The following RIMBP2 variants were observed in gnomAD, a reference collection of about 807,000 sequenced individuals.
The protein encoded by RIMBP2 is RIMS binding protein 2.
A neutral mutation model predicts 118.6 loss-of-function variants in RIMBP2; 48 were observed. The observed-to-expected ratio is 0.40, with a 90% CI of 0.32 to 0.51. The LOEUF (loss-of-function observed/expected upper bound fraction) is 0.51. Ranked by LOEUF, RIMBP2 falls within the 20% of genes least tolerant of loss-of-function variation. RIMBP2 has a pLI of 0.41. For synonymous variants in RIMBP2, 762 were observed against 742.9 expected (o/e 1.03, Z -0.42); for missense variants, 1,551 against 1,768.3 (o/e 0.88, Z 2.20).
chr12:130,704,178 G>A (rs951055775), intron 1 of RIMBP2, among the ~76,000 whole-genome samples: 6 of 152,152 alleles, frequency 3.9e-5, no homozygotes, highest in East Asian at 1.9e-4. Flanking sequence ...GAGGAGGGAC[G>A]AGGACCGAGG....
At chr12:130,611,153 G>T (rs2060518562) in intron 2 of RIMBP2, among the ~76,000 whole-genome samples, 1 of 152,208 alleles carries the variant, frequency 6.6e-6, no homozygotes. Context: ...TCAGGCCACT[G>T]ACATGGGCTC....
chr12:130,676,291 T>C (rs1402044349), intron 1 of RIMBP2, among the ~76,000 whole-genome samples: 1 of 113,616 alleles, frequency 8.8e-6, no homozygotes, highest in African/African-American at 3.3e-5. Flanking sequence ...GGAAAAAAAA[T>C]CCAAATGTCC....
intron 11 of RIMBP2, 100 bp downstream of exon 11, chr12:130,441,748 G>C: frequency 9.7e-7 from 1 of 1,034,778 alleles, no homozygotes; most frequent in Non-Finnish European, 1.4e-6. Context: ...TGTCAGGATG[G>C]GGATTCCTGC....
At position 130,437,236 on chromosome 12, in the gene RIMBP2, A is replaced by T; in HGVS notation, c.1712T>A (p.Leu571Gln). ...ADSTAVELVR[L>Q]RSLEAKGVTV... The stretch of plus-strand genomic sequence containing the variant: ...CACGCCCTTGGCCTCCAGGCTCCGC[A>T]GCCGCACAAGCTCCACGGCCGTGCT... The change falls in exon 13 of 23, where the codon CTG becomes CAG. Residue 571 changes from leucine to glutamine, a missense_variant. Physicochemically the swap from Leu to Gln is moderately radical, Grantham distance 113. This residue lies in a region of RIMBP2 where 1,038 missense variants were observed against 1,125.1 expected (regional missense o/e 0.92). Coordinates refer to ENST00000690449, the MANE Select transcript of RIMBP2 (RefSeq NM_001393629.1). 6.3e-7 allele frequency: 1 copy of T among 1,586,116 alleles called. No individual in the cohort carries two copies. The highest frequency in any genetic ancestry group is 2.3e-5 in the East Asian group (1 of 43,970).
At chr12:130,494,198 C>T (rs1310606213) in intron 4 of RIMBP2, among the ~76,000 whole-genome samples, 1 of 152,154 alleles carries the variant, frequency 6.6e-6, no homozygotes, top group Non-Finnish European at 1.5e-5. Flanking sequence ...TTCAGAAGGA[C>T]AGACCCCGCC....
At position 130,397,266 on chromosome 12, in the gene RIMBP2, A is replaced by G. The variant is rs1440513606; in HGVS notation, c.*95T>C. On this transcript the variant is annotated 3_prime_UTR_variant, in exon 23 of 23. Coordinates refer to ENST00000690449, the MANE Select transcript of RIMBP2 (RefSeq NM_001393629.1). Reference sequence around the variant, plus strand: ...TTCTCTACTGGTGTCAGGGGAGAAGATTGGGTTTTTTTAGGAAGTACTTGA... The same window carrying G: ...TTCTCTACTGGTGTCAGGGGAGAAGGTTGGGTTTTTTTAGGAAGTACTTGA... The G allele has an allele frequency of 7.6e-6, 3 of 396,340 alleles. No homozygotes were observed. 24.6% of individuals were successfully genotyped at this position (396,340 alleles called of 1,614,324 possible). A position where few individuals can be genotyped will look rare whatever the true frequency, so the allele number is the denominator to read the frequency against.
At chr12:130,408,227 A>G (rs1224618851) in intron 19 of RIMBP2, among the ~76,000 whole-genome samples, 1 of 152,146 alleles carries the variant, frequency 6.6e-6, no homozygotes, top group Non-Finnish European at 1.5e-5. Context: ...AAGGCCCCAT[A>G]GACACAGTTT....
At chr12:130,483,823 G>A (rs1330084784) in intron 4 of RIMBP2, among the ~76,000 whole-genome samples, 1 of 139,122 alleles carries the variant, frequency 7.2e-6, no homozygotes, top group East Asian at 2.2e-4. Context: ...ACGGTGCCCG[G>A]AGCCCCGACC....
chr12:130,455,243 G>A (rs1383493535), intron 7 of RIMBP2, among the ~76,000 whole-genome samples: 3 of 152,232 alleles, frequency 2.0e-5, no homozygotes, highest in Non-Finnish European at 2.9e-5. Flanking sequence ...CACTCTTCAG[G>A]TGTCACAGCT....
chr12:130,401,176 C>T (rs1265830579), intron 21 of RIMBP2, among the ~76,000 whole-genome samples: 4 of 152,016 alleles, frequency 2.6e-5, no homozygotes, highest in African/African-American at 9.7e-5. Context: ...AGTGCAGTAG[C>T]GTGATCTCGG....
intron 2 of RIMBP2, among the ~76,000 whole-genome samples, chr12:130,558,531 C>T (rs541889820): frequency 5.3e-5 from 8 of 152,222 alleles, no homozygotes; most frequent in South Asian, 2.1e-4. Context: ...CGTCAGCAGC[C>T]GTGCAGCTCA....
rs745362946 is a variant in RIMBP2 at position 130,424,844 on chromosome 12, A to G, written c.2427T>C (p.His809=). 7.4e-5 allele frequency: 91 copies of G among 1,232,392 alleles called. No homozygotes were observed. The highest frequency in any genetic ancestry group is 8.6e-5 in the Non-Finnish European group (85 of 988,314). 76.3% of individuals were successfully genotyped at this position (1,232,392 alleles called of 1,614,324 possible). A position where few individuals can be genotyped will look rare whatever the true frequency, so the allele number is the denominator to read the frequency against. Residue 809 remains histidine (H), a synonymous_variant, in exon 16 of 23, where the codon CAT becomes CAC. Transcript: ENST00000690449. The surrounding 1 kb of genome is among the most constrained non-coding windows in gnomAD (Gnocchi z 9.8). The part of the protein sequence containing the change: ...SHNALKDCTD[H]RTSEGTFWEQ... ...CCCAGAAAGTGCCTTCCGAGGTCCT[A>G]TGGTCAGTGCAGTCCTTACGGGGTG...
rs550640739 is a variant in RIMBP2 at position 130,672,485 on chromosome 12, A to G, written c.-352+43737T>C. 2.6e-5 allele frequency among the ~76,000 whole-genome samples: 4 copies of G among 152,256 alleles called. No homozygotes were observed. In the East Asian group the frequency reaches 7.7e-4, roughly 29 times the overall value. ...CACTCTCCCAAGTGCTTCCAAATCCACTTAGGACCTTGTGTCTCCCAGAAC... is the reference window on the plus strand; with the variant it reads ...CACTCTCCCAAGTGCTTCCAAATCCGCTTAGGACCTTGTGTCTCCCAGAAC... On this transcript the variant is annotated intron_variant, in intron 1 of 22. Transcript: ENST00000690449.
intron 21 of RIMBP2, among the ~76,000 whole-genome samples, chr12:130,402,167 C>T (rs181245520): frequency 3.2e-4 from 48 of 152,298 alleles, no homozygotes; most frequent in African/African-American, 1.0e-3. Flanking sequence ...TCCAAAGTGA[C>T]GACGGGACTT....
At chr12:130,534,180 AAAG>A (rs1450849244) in intron 2 of RIMBP2, among the ~76,000 whole-genome samples, 7,376 of 116,532 alleles carry the variant, frequency 0.063, 267 homozygotes, top group East Asian at 0.2. Context: ...AAAAAAAAAA[AAAG>A]AGAGAGAGAG....
chr12:130,578,569 C>T lies in RIMBP2; in HGVS notation c.-217+49753G>A. Among the ~76,000 whole-genome samples the T allele has an allele frequency of 6.6e-6, 1 of 152,254 alleles. No homozygotes were observed. Among genetic ancestry groups the T allele is most frequent in the East Asian group, 1.9e-4 (1 of 5,202 alleles). On this transcript the variant is annotated intron_variant, in intron 2 of 22. Transcript: ENST00000690449. The surrounding 1 kb of genome is among the most constrained non-coding windows in gnomAD (Gnocchi z 4.1). ...CTCGATCATAGCAAACTTGCTCCAG[C>T]CTTGGGGCCTGTGCACTGTGGGCCC...
intron 2 of RIMBP2, among the ~76,000 whole-genome samples, chr12:130,546,565 G>A (rs2055192099): frequency 6.6e-6 from 1 of 152,102 alleles, no homozygotes; most frequent in Non-Finnish European, 1.5e-5. Context: ...CGAAGTGCTG[G>A]GATTACAGGC....
chr12:130,485,538 T>G (rs550613118), intron 4 of RIMBP2, among the ~76,000 whole-genome samples: 37 of 152,350 alleles, frequency 2.4e-4, no homozygotes, highest in Non-Finnish European at 3.4e-4. Context: ...GGGTGGCCGA[T>G]TGTGCAGCTG....
At chr12:130,409,450 C>A (rs1008173684) in intron 19 of RIMBP2, among the ~76,000 whole-genome samples, 17 of 140,182 alleles carry the variant, frequency 1.2e-4, no homozygotes, top group African/African-American at 3.6e-4. Context: ...TCATGCGATT[C>A]TCCTGCTTCG....
Sources: allele counts gnomAD v4.1 joint callset (sites outside exome capture counted in the v4.1 genomes callset), GRCh38; gene constraint gnomAD v4.1.1; regional missense constraint gnomAD v4.1.1; non-coding constraint Gnocchi (gnomAD v3.1); transcripts MANE v1.5; gene names NCBI Gene and HGNC (gene_info 2026-07-23, HGNC 2026-07-21).